The following CDH7 variants were observed in gnomAD, a reference collection of about 807,000 sequenced individuals.
CDH7 encodes cadherin 7.
In CDH7, 25 loss-of-function variants were observed where a neutral mutation model predicts 71.8. The observed-to-expected ratio is 0.35, with a 90% CI of 0.25 to 0.49. The LOEUF (loss-of-function observed/expected upper bound fraction) is 0.49. Ranked by LOEUF, CDH7 falls within the 20% of genes least tolerant of loss-of-function variation. The probability of loss-of-function intolerance (pLI) is 0.99; values close to 1 mark genes in which losing one functional copy is unlikely to be tolerated. For synonymous variants in CDH7, 381 were observed against 363.8 expected, an observed-to-expected ratio of 1.05 and a Z score of -0.54; for missense variants, 862 against 974.6, an observed-to-expected ratio of 0.88 and a Z score of 1.54.
At chr18:65,765,758 C>T (rs1916342507) in intron 2 of CDH7, among the ~76,000 whole-genome samples, 1 of 151,980 alleles carries the variant, frequency 6.6e-6, no homozygotes, top group South Asian at 2.1e-4. Context: ...TGGATAACTA[C>T]CGTATGTGTC....
At chr18:65,846,507 A>G (rs1244059087) in intron 7 of CDH7, among the ~76,000 whole-genome samples, 1 of 152,146 alleles carries the variant, frequency 6.6e-6, no homozygotes, top group Non-Finnish European at 1.5e-5. Context: ...AGTCATGTTT[A>G]ATACTTACAT....
At chr18:65,828,412 C>G (rs1194223465) in intron 6 of CDH7, among the ~76,000 whole-genome samples, 2 of 151,964 alleles carry the variant, frequency 1.3e-5, no homozygotes, top group Non-Finnish European at 2.9e-5. Flanking sequence ...GGATTTTTTT[C>G]TATAAATATA....
chr18:65,849,164 T>G (rs1338915463), intron 7 of CDH7, among the ~76,000 whole-genome samples: 1 of 152,118 alleles, frequency 6.6e-6, no homozygotes, highest in Non-Finnish European at 1.5e-5. Context: ...CTGTACTCTA[T>G]TTCAAAATGC....
At chr18:65,875,347 G>T (rs1599068465) in intron 11 of CDH7, among the ~76,000 whole-genome samples, 1 of 152,260 alleles carries the variant, frequency 6.6e-6, no homozygotes, top group African/African-American at 2.4e-5. Context: ...AGGACTTGAT[G>T]ATACTCCAAT....
intron 11 of CDH7, among the ~76,000 whole-genome samples, chr18:65,872,668 A>C (rs1430444355): frequency 1.3e-5 from 2 of 152,060 alleles, no homozygotes; most frequent in Non-Finnish European, 2.9e-5. Context: ...GGATGAGGCC[A>C]GAGGATCACT....
intron 10 of CDH7, among the ~76,000 whole-genome samples, chr18:65,861,162 A>T (rs1913549568): frequency 1.3e-5 from 2 of 152,172 alleles, no homozygotes; most frequent in Non-Finnish European, 2.9e-5. Flanking sequence ...CAATTGAAAA[A>T]TTGTCTACCT....
At chr18:65,765,611 T>G (rs1166089058) in intron 2 of CDH7, among the ~76,000 whole-genome samples, 1 of 152,090 alleles carries the variant, frequency 6.6e-6, no homozygotes, top group Non-Finnish European at 1.5e-5. Flanking sequence ...ATCAGTGCTT[T>G]TCACAGATGT....
intron 11 of CDH7, among the ~76,000 whole-genome samples, chr18:65,871,773 A>T (rs1253361177): frequency 6.6e-6 from 1 of 152,212 alleles, no homozygotes; most frequent in African/African-American, 2.4e-5. Flanking sequence ...ATAACAAATC[A>T]TAACAATGAT....
chr18:65,872,802 G>C (rs1913966289), intron 11 of CDH7, among the ~76,000 whole-genome samples: 1 of 152,076 alleles, frequency 6.6e-6, no homozygotes, highest in African/African-American at 2.4e-5. Context: ...AGCTGAGGCA[G>C]GAGGATTGCT....
In CDH7 at chr18:65,842,046, T is replaced by C. The variant is rs117995056; in HGVS notation, c.982-1766T>C. 5.9e-3 allele frequency among the ~76,000 whole-genome samples: 900 copies of C among 152,278 alleles called. 9 individuals are homozygous for C. Among genetic ancestry groups the C allele is most frequent in the Non-Finnish European group, 9.7e-3 (657 of 68,030 alleles). On this transcript the variant is annotated intron_variant, in intron 6 of 11. Coordinates refer to ENST00000397968, the MANE Select transcript of CDH7 (RefSeq NM_004361.5). ...GCAGCAATTCTAGAAAGTGTTTCTG[T>C]GCTCAAGAAAAACAATATACTTGAC... is the stretch of plus-strand genomic sequence containing the variant.
At chr18:65,843,162 T>A (rs2143989018) in intron 6 of CDH7, among the ~76,000 whole-genome samples, 1 of 152,302 alleles carries the variant, frequency 6.6e-6, no homozygotes, top group Non-Finnish European at 1.5e-5. Context: ...GTAAATCCTC[T>A]TGGAAAATTA....
At chr18:65,782,535 G>A (rs1910351739) in intron 2 of CDH7, among the ~76,000 whole-genome samples, 2 of 151,992 alleles carry the variant, frequency 1.3e-5, no homozygotes, top group South Asian at 4.1e-4. Flanking sequence ...CTTTTGGATG[G>A]GTGATAATTC....
chr18:65,844,752 A>G (rs553854347), intron 7 of CDH7, among the ~76,000 whole-genome samples: 14 of 152,012 alleles, frequency 9.2e-5, no homozygotes, highest in Non-Finnish European at 1.9e-4. Context: ...GCATGTGTTT[A>G]TGTGTTTGTG....
chr18:65,754,500 AG>A (rs1223168233), intron 1 of CDH7, among the ~76,000 whole-genome samples: 1 of 152,224 alleles, frequency 6.6e-6, no homozygotes, highest in Non-Finnish European at 1.5e-5. Flanking sequence ...AGTACAAAAG[AG>A]AGAGCTCTTT....
Position 65,809,922 on chromosome 18 carries a change from T to C in CDH7, c.429T>C (p.Ile143=). 1 of 1,614,044 alleles carries C rather than the reference T, an allele frequency of 6.2e-7. No homozygotes were observed. Among genetic ancestry groups the C allele is most frequent in the South Asian group, 1.1e-5 (1 of 91,072 alleles). ...VEPESEFVIK[I]QDINDNEPKF... Reference sequence around the variant, plus strand: ...CCGAGTCGGAGTTTGTCATCAAAATTCAGGATATCAACGACAATGAACCCA... The same window carrying C: ...CCGAGTCGGAGTTTGTCATCAAAATCCAGGATATCAACGACAATGAACCCA... Residue 143 remains isoleucine, a synonymous_variant, in exon 3 of 12, where the codon ATT becomes ATC. Transcript: ENST00000397968.
intron 2 of CDH7, among the ~76,000 whole-genome samples, chr18:65,779,369 T>C (rs1302125476): frequency 2.5e-5 from 3 of 121,202 alleles, no homozygotes; most frequent in Non-Finnish European, 5.0e-5. Context: ...TAGTTACATA[T>C]GTATACATGT....
At chr18:65,781,792 T>A (rs1488468598) in intron 2 of CDH7, among the ~76,000 whole-genome samples, 22 of 68,276 alleles carry the variant, frequency 3.2e-4, no homozygotes, top group Non-Finnish European at 4.1e-4. Flanking sequence ...CCTTCCTTCC[T>A]TCCTTCCTTC....
At position 65,831,673 on chromosome 18, in the gene CDH7, A is replaced by G. The variant is rs113649698; in HGVS notation, c.981+6842A>G. The stretch of plus-strand genomic sequence containing the variant: ...ACTTTTCCAGGGAGCTTTCACAGCA[A>G]CAGGAATCTGCAGAACAATAAATGA... On this transcript the variant is annotated intron_variant, in intron 6 of 11. Transcript: ENST00000397968. 2.7e-3 allele frequency among the ~76,000 whole-genome samples: 416 copies of G among 152,228 alleles called. 4 individuals are homozygous for G. The highest frequency in any genetic ancestry group is 9.5e-3 in the African/African-American group (394 of 41,550).
At chr18:65,781,819 C>CTTCTTTCT (rs1224080276) in intron 2 of CDH7, among the ~76,000 whole-genome samples, 3,162 of 43,682 alleles carry the variant, frequency 0.072, 349 homozygotes, top group East Asian at 0.11. Context: ...TCCTTCCTTC[C>CTTCTTTCT]TTCTTTCTTT....
Sources: allele counts gnomAD v4.1 joint callset (sites outside exome capture counted in the v4.1 genomes callset), GRCh38; gene constraint gnomAD v4.1.1; transcripts MANE v1.5; gene names NCBI Gene and HGNC (gene_info 2026-07-23, HGNC 2026-07-21).